SCARB1: variants seen among roughly 807,000 people sequenced by gnomAD.
The protein encoded by SCARB1 is CD36 and LIMPII analogous 1.
A neutral mutation model predicts 57.2 loss-of-function variants in SCARB1; 30 were observed. The observed-to-expected ratio is 0.52, with a 90% confidence interval of 0.39 to 0.71. The LOEUF (loss-of-function observed/expected upper bound fraction) is 0.71, where lower values mean the gene tolerates loss of function less well. SCARB1 is among the 30% of genes least tolerant of loss of function. SCARB1 has a pLI of 0.00. For missense variants in SCARB1, 543 were observed against 671.2 expected, an observed-to-expected ratio of 0.81 and a Z score of 2.11; for synonymous variants, 249 against 268.3, an observed-to-expected ratio of 0.93 and a Z score of 0.70.
At chr12:124,819,902 G>A (rs1950882009) in intron 1 of SCARB1, among the ~76,000 whole-genome samples, 1 of 152,214 alleles carries the variant, frequency 6.6e-6, no homozygotes, top group South Asian at 2.1e-4. Flanking sequence ...CTGTACGAAG[G>A]AGCTAGTGAC....
chr12:124,806,291 G>A (rs1950321265), intron 7 of SCARB1, among the ~76,000 whole-genome samples: 1 of 152,142 alleles, frequency 6.6e-6, no homozygotes, highest in Non-Finnish European at 1.5e-5. Context: ...CACTGGAAGA[G>A]CTGGGTGAGG....
At position 124,810,174 on chromosome 12, in the gene SCARB1, C is replaced by T; in HGVS notation, c.842G>A (p.Arg281Gln). Reference protein sequence around the residue: ...SLEFYSPEACRSMKLMYKESG... With the variant: ...SLEFYSPEACQSMKLMYKESG... ...GGAGGCCCCGAGTCCCAGTGATTACCGGCAGGCCTCCGGGCTGTAGAACTC... is the reference window on the plus strand; with the variant it reads ...GGAGGCCCCGAGTCCCAGTGATTACTGGCAGGCCTCCGGGCTGTAGAACTC... The change falls in exon 6 of 13, where the codon CGA (arginine) becomes CAA (glutamine). Residue 281 changes from arginine to glutamine, a missense_variant and splice_region_variant. Coordinates refer to ENST00000261693, the MANE Select transcript of SCARB1 (RefSeq NM_005505.5). The surrounding 1 kb of genome is among the most constrained non-coding windows in gnomAD (Gnocchi z 4.0). 3 of 1,609,588 alleles carry T rather than the reference C, an allele frequency of 1.9e-6. No homozygotes were observed. The highest frequency in any genetic ancestry group is 2.6e-6 in the Non-Finnish European group (3 of 1,176,120).
intron 9 of SCARB1, among the ~76,000 whole-genome samples, chr12:124,788,477 G>C (rs1338292503): frequency 6.6e-6 from 1 of 152,208 alleles, no homozygotes; most frequent in Admixed American, 6.5e-5. Flanking sequence ...ACAGCTGGGA[G>C]GTGAACCTTT....
chr12:124,830,041 C>T (rs531614665), intron 1 of SCARB1, among the ~76,000 whole-genome samples: 4 of 152,262 alleles, frequency 2.6e-5, no homozygotes, highest in South Asian at 2.1e-4. Context: ...TGAAGAAGGG[C>T]GGAGCAGAAT....
intron 1 of SCARB1, among the ~76,000 whole-genome samples, chr12:124,846,659 G>T (rs1233121134): frequency 6.7e-6 from 1 of 149,800 alleles, no homozygotes; most frequent in Non-Finnish European, 1.5e-5. Flanking sequence ...TGAACCCGGG[G>T]GGCAGAAGTT....
Position 124,800,322 on chromosome 12 carries a change from C to A in SCARB1, c.1010-80G>T. 1.9e-6 allele frequency: 2 copies of A among 1,064,264 alleles called. No homozygotes were observed. Among genetic ancestry groups the A allele is most frequent in the Non-Finnish European group, 1.4e-6 (1 of 694,388 alleles). 65.9% of individuals were successfully genotyped at this position (1,064,264 alleles called of 1,614,324 possible). On this transcript the variant is annotated intron_variant, in intron 7 of 12. Coordinates refer to ENST00000261693, the MANE Select transcript of SCARB1 (RefSeq NM_005505.5). The surrounding 1 kb of genome is among the most constrained non-coding windows in gnomAD (Gnocchi z 4.8). ...TGCCAGGCCGGAGGTCTGCACAGAGCTGTGGTCTGCAGGGCACCCCCGTGG... is the reference window on the plus strand; with the variant it reads ...TGCCAGGCCGGAGGTCTGCACAGAGATGTGGTCTGCAGGGCACCCCCGTGG...
At position 124,806,324 on chromosome 12, in the gene SCARB1, G is replaced by A. The variant is rs752133927; in HGVS notation, c.1009+1437C>T. On this transcript the variant is annotated intron_variant, in intron 7 of 12. Coordinates refer to ENST00000261693, the MANE Select transcript of SCARB1 (RefSeq NM_005505.5). The stretch of plus-strand genomic sequence containing the variant: ...AGGACAGGGAAACAAACTGACGCCC[G>A]AGGGTCCAAACTGAGCAACTTGAGG... Among the ~76,000 whole-genome samples the A allele has an allele frequency of 2.6e-5, 4 of 152,146 alleles. No homozygotes were observed. The East Asian group carries it at 7.7e-4, about 29-fold the overall frequency.
intron 1 of SCARB1, among the ~76,000 whole-genome samples, chr12:124,818,433 T>C (rs1950823209): frequency 6.6e-6 from 1 of 152,122 alleles, no homozygotes; most frequent in South Asian, 2.1e-4. Flanking sequence ...CTGGGCAACA[T>C]AGCAAGACCC....
chr12:124,859,745 G>A (rs10773116), intron 1 of SCARB1, among the ~76,000 whole-genome samples: 86,496 of 151,930 alleles, frequency 0.57, 24,803 homozygotes, highest in Admixed American at 0.65. Context: ...CAAGGCAGAA[G>A]GATCACTTAA....
At chr12:124,816,589 C>T (rs927418555) in intron 2 of SCARB1, among the ~76,000 whole-genome samples, 1 of 152,138 alleles carries the variant, frequency 6.6e-6, no homozygotes, top group African/African-American at 2.4e-5. Flanking sequence ...TCTCCAACAG[C>T]GGGAACACCC....
chr12:124,799,307 T>C (rs1950055918), intron 8 of SCARB1, among the ~76,000 whole-genome samples: 1 of 152,076 alleles, frequency 6.6e-6, no homozygotes, highest in African/African-American at 2.4e-5. Flanking sequence ...GGAGGATCGC[T>C]TGAGCCCAAG....
rs1291834843 is a variant in SCARB1, at chr12:124,800,811, G to T, written c.1010-569C>A. The stretch of plus-strand genomic sequence containing the variant: ...CTGCTACAAATGTGAGCTCAACCTC[G>T]CCACTGACCAACCAAACCAGGCAAA... On this transcript the variant is annotated intron_variant, in intron 7 of 12. Transcript: ENST00000261693. This position sits in a 1 kb window ranked among gnomAD's most constrained non-coding sequence, Gnocchi z 4.8. Among the ~76,000 whole-genome samples, 1 of 152,084 alleles carries T rather than the reference G, an allele frequency of 6.6e-6. No homozygotes were observed. The highest frequency in any genetic ancestry group is 2.4e-5 in the African/African-American group (1 of 41,404).
chr12:124,849,232 C>T (rs1221148427), intron 1 of SCARB1, among the ~76,000 whole-genome samples: 1 of 152,138 alleles, frequency 6.6e-6, no homozygotes, highest in Non-Finnish European at 1.5e-5. Context: ...GCCTGGGATG[C>T]TGCTGGGACA....
chr12:124,843,367 G>A (rs11830613), intron 1 of SCARB1, among the ~76,000 whole-genome samples: 5,289 of 151,380 alleles, frequency 0.035, 329 homozygotes, highest in African/African-American at 0.12. Flanking sequence ...CCTCTGCCTC[G>A]CTAAGTGCTG....
chr12:124,778,975 C>T (rs1226436682), intron 12 of SCARB1, among the ~76,000 whole-genome samples: 4 of 152,122 alleles, frequency 2.6e-5, no homozygotes, highest in African/African-American at 4.8e-5. Context: ...TTTTTAGAGA[C>T]GGTCTCTCTC....
chr12:124,838,023 C>A (rs1344457471), intron 1 of SCARB1, among the ~76,000 whole-genome samples: 1 of 152,278 alleles, frequency 6.6e-6, no homozygotes, highest in African/African-American at 2.4e-5. Context: ...TGGCCCACAG[C>A]GGCCACCTCG....
chr12:124,849,722 A>G (rs569347942), intron 1 of SCARB1, among the ~76,000 whole-genome samples: 1 of 152,348 alleles, frequency 6.6e-6, no homozygotes, highest in East Asian at 1.9e-4. Context: ...TTCGGAACCC[A>G]AGTCAGTCCA....
At chr12:124,856,525 T>A (rs891486937) in intron 1 of SCARB1, among the ~76,000 whole-genome samples, 6 of 152,192 alleles carry the variant, frequency 3.9e-5, no homozygotes, top group Non-Finnish European at 8.8e-5. Flanking sequence ...AGGGAGTAAG[T>A]TGAAGCTGTC....
At chr12:124,835,549 C>T (rs554996767) in intron 1 of SCARB1, among the ~76,000 whole-genome samples, 11 of 152,220 alleles carry the variant, frequency 7.2e-5, no homozygotes, top group East Asian at 5.8e-4. Context: ...GGATTACGAA[C>T]GTGAGACACT....
Sources: gnomAD v4.1 joint callset for allele counts (sites outside exome capture counted in the v4.1 genomes callset) on GRCh38, gnomAD v4.1.1 for gene constraint, Gnocchi (gnomAD v3.1) non-coding constraint, MANE v1.5 for transcripts, NCBI Gene and HGNC (gene_info 2026-07-23, HGNC 2026-07-21) for gene names.